Variants in KANSL1L observed in about 807,000 individuals in gnomAD.
The protein encoded by KANSL1L is KAT8 regulatory NSL complex subunit 1-like protein.
KANSL1L carries 25 observed loss-of-function variants against 108.6 expected under a neutral mutation model. That is an observed-to-expected ratio of 0.23 (90% confidence interval 0.17 to 0.32). The LOEUF (loss-of-function observed/expected upper bound fraction) is 0.32. Ranked by LOEUF, KANSL1L falls within the 10% of genes least tolerant of loss-of-function variation. The pLI, the probability that KANSL1L is intolerant of heterozygous loss-of-function variation, is 1.00. For missense variants in KANSL1L, 1,137 were observed against 1,125.7 expected, an observed-to-expected ratio of 1.01 and a Z score of -0.14; for synonymous variants, 405 against 395.1, an observed-to-expected ratio of 1.03 and a Z score of -0.30.
At chr2:210,128,225 T>C (rs1324099816) in intron 3 of KANSL1L, among the ~76,000 whole-genome samples, 1 of 152,088 alleles carries the variant, frequency 6.6e-6, no homozygotes. Flanking sequence ...AAATTAAAAA[T>C]AAAGTTCCCA....
At chr2:210,142,285 T>C (rs143469494) in intron 2 of KANSL1L, among the ~76,000 whole-genome samples, 352 of 152,192 alleles carry the variant, frequency 2.3e-3, no homozygotes, top group African/African-American at 7.9e-3. Context: ...TTTGTTGGCA[T>C]AGAGATGTTG....
chr2:210,118,706 A>C (rs2094982436), intron 3 of KANSL1L, among the ~76,000 whole-genome samples: 1 of 151,752 alleles, frequency 6.6e-6, no homozygotes, highest in African/African-American at 2.4e-5. Flanking sequence ...ATTTAGCCAC[A>C]TGTGGTGGTG....
intron 2 of KANSL1L, among the ~76,000 whole-genome samples, chr2:210,144,881 T>G (rs1480516997): frequency 6.6e-6 from 1 of 152,208 alleles, no homozygotes; most frequent in Non-Finnish European, 1.5e-5. Context: ...ATTCTTTGGC[T>G]TTTCACGTTG....
chr2:210,051,703 G>A (rs2094293944), intron 6 of KANSL1L, among the ~76,000 whole-genome samples: 1 of 152,002 alleles, frequency 6.6e-6, no homozygotes, highest in African/African-American at 2.4e-5. Context: ...CCCATTATAG[G>A]TCATAGTTTG....
At position 210,092,797 on chromosome 2, in the gene KANSL1L, C is replaced by T. The variant is rs764475801; in HGVS notation, c.1550+5289G>A. On this transcript the variant is annotated intron_variant, in intron 5 of 14. Coordinates refer to ENST00000281772, the MANE Select transcript of KANSL1L (RefSeq NM_152519.4). ...GGTGCCTTCCTCCAGAGGAAATCTGCATTTGCCTCTGCCATTCCAGAACCA... is the reference window on the plus strand; with the variant it reads ...GGTGCCTTCCTCCAGAGGAAATCTGTATTTGCCTCTGCCATTCCAGAACCA... 4.1e-4 allele frequency among the ~76,000 whole-genome samples: 63 copies of T among 152,310 alleles called. 1 individual carries two copies. The highest frequency in any genetic ancestry group is 6.9e-4 in the Non-Finnish European group (47 of 68,024).
intron 2 of KANSL1L, among the ~76,000 whole-genome samples, chr2:210,150,869 T>C (rs1488538985): frequency 6.6e-6 from 1 of 151,884 alleles, no homozygotes; most frequent in African/African-American, 2.4e-5. Context: ...TAGGGGTTGG[T>C]TGGTTAAGAC....
At chr2:210,164,662 G>A (rs1057467691) in intron 1 of KANSL1L, among the ~76,000 whole-genome samples, 17 of 151,830 alleles carry the variant, frequency 1.1e-4, no homozygotes, top group African/African-American at 3.9e-4. Flanking sequence ...TAAACTTTTT[G>A]TCACAACACA....
chr2:210,116,235 T>G (rs1400813245), intron 3 of KANSL1L, among the ~76,000 whole-genome samples: 1 of 152,118 alleles, frequency 6.6e-6, no homozygotes, highest in Non-Finnish European at 1.5e-5. Context: ...TAGGGAGGAC[T>G]TTGTCTTGTG....
At chr2:210,063,390 C>T (rs908843145) in intron 6 of KANSL1L, among the ~76,000 whole-genome samples, 6 of 152,250 alleles carry the variant, frequency 3.9e-5, no homozygotes, top group African/African-American at 1.2e-4. Context: ...TGGGGCACCA[C>T]CTAGTGGAGC....
At chr2:210,023,963 C>A in intron 14 of KANSL1L, 70 bp downstream of exon 14, 1 of 1,072,782 alleles carries the variant, frequency 9.3e-7, no homozygotes, top group Admixed American at 2.9e-5. Flanking sequence ...TAATTTTTTT[C>A]AAGTAGTTTC....
At chr2:210,072,161 T>G (rs2094512419) in intron 6 of KANSL1L, among the ~76,000 whole-genome samples, 1 of 152,208 alleles carries the variant, frequency 6.6e-6, no homozygotes, top group African/African-American at 2.4e-5. Flanking sequence ...TCATGTATCT[T>G]TTTAGTGTCT....
chr2:210,040,527 T>C lies in KANSL1L; in HGVS notation c.1922A>G (p.Asp641Gly). 7.1e-7 allele frequency: 1 copy of C among 1,409,334 alleles called. No individual in the cohort carries two copies. Among genetic ancestry groups the C allele is most frequent in the South Asian group, 1.3e-5 (1 of 77,514 alleles). The allele number at this position is 1,409,334 out of a possible 1,614,324, so 87.3% of individuals were successfully genotyped here. ...SFHSVLSLPS[D>G]VPLHFHFETL... Reference sequence around the variant, plus strand: ...TTCAAAGTGAAAATGAAGAGGCACATCTGGAAAAATAAAATAAAAAAGGTA... The same window carrying C: ...TTCAAAGTGAAAATGAAGAGGCACACCTGGAAAAATAAAATAAAAAAGGTA... The change falls in exon 8 of 15, where the codon GAT becomes GGT. Residue 641 changes from aspartate (D) to glycine (G), a missense_variant and splice_region_variant. Physicochemically the swap from Asp to Gly is moderately conservative, Grantham distance 94. This residue lies in a region of KANSL1L where 575 missense variants were observed against 567.1 expected (regional missense o/e 1.01). Transcript: ENST00000281772.
At chr2:210,032,621 G>C (rs2094034675) in intron 8 of KANSL1L, 1 of 152,354 alleles carries the variant, frequency 6.6e-6, no homozygotes, top group South Asian at 2.1e-4. Flanking sequence ...TGGTTGGAGA[G>C]AGAAGGCAAT....
intron 2 of KANSL1L, chr2:210,152,151 CCAGT>C (rs1429879205): frequency 6.6e-6 from 1 of 152,092 alleles, no homozygotes; most frequent in African/African-American, 2.4e-5. Context: ...TTAAAAAGCC[CCAGT>C]GAGTGTTGTG....
chr2:210,092,469 T>C (rs1278780912), intron 5 of KANSL1L, among the ~76,000 whole-genome samples: 1 of 152,224 alleles, frequency 6.6e-6, no homozygotes. Context: ...GTTATTATAT[T>C]CAGTATTTTT....
chr2:210,040,174 CATTT>C, intron 8 of KANSL1L: 1 of 377,536 alleles, frequency 2.6e-6, no homozygotes. Flanking sequence ...TGTTTCTCCA[CATTT>C]ATTTAAATTT....
At chr2:210,023,755 G>A (rs2125108683) in intron 14 of KANSL1L, among the ~76,000 whole-genome samples, 1 of 152,288 alleles carries the variant, frequency 6.6e-6, no homozygotes, top group East Asian at 1.9e-4. Context: ...TGTAGCAGGT[G>A]CTATTCTTCA....
At position 210,031,504 on chromosome 2, in the gene KANSL1L, A is replaced by G. The variant is rs748356404; in HGVS notation, c.2072T>C (p.Ile691Thr). 1.9e-6 allele frequency: 3 copies of G among 1,551,892 alleles called. No homozygotes were observed. The highest frequency in any genetic ancestry group is 2.3e-5 in the East Asian group (1 of 44,390). ...TTCTGACCTTATTTGAGGCTTACAT[A>G]TAGGTGAATATCCATTTCTCCATTG... ...LNQWRNGYSPICKPQIRSESS... is the reference protein window; with the variant it reads ...LNQWRNGYSPTCKPQIRSESS... The change falls in exon 9 of 15, where the codon ATA becomes ACA. Residue 691 changes from isoleucine (I) to threonine (T), a missense_variant. By Grantham distance (89) the Ile-to-Thr change is moderately conservative. This residue lies in a region of KANSL1L where 575 missense variants were observed against 567.1 expected (regional missense o/e 1.01). Coordinates refer to ENST00000281772, the MANE Select transcript of KANSL1L (RefSeq NM_152519.4).
chr2:210,132,561 T>G (rs535625514), intron 2 of KANSL1L, among the ~76,000 whole-genome samples: 1 of 152,310 alleles, frequency 6.6e-6, no homozygotes, highest in East Asian at 1.9e-4. Context: ...TAACTTTTGC[T>G]AAAAGAAATG....
Sources: gnomAD v4.1 joint callset for allele counts (sites outside exome capture counted in the v4.1 genomes callset) on GRCh38, gnomAD v4.1.1 for gene constraint, gnomAD v4.1.1 regional missense constraint, MANE v1.5 for transcripts, NCBI Gene and HGNC (gene_info 2026-07-23, HGNC 2026-07-21) for gene names.